The following LNX2 variants were observed in gnomAD, a reference collection of about 807,000 sequenced individuals.
LNX2 encodes the protein ligand of Numb protein X 2.
LNX2 carries 35 observed loss-of-function variants against 66.2 expected under a neutral mutation model. That is an observed-to-expected ratio of 0.53 (90% confidence interval 0.40 to 0.70). The LOEUF (loss-of-function observed/expected upper bound fraction) is 0.70, where lower values mean the gene tolerates loss of function less well. LNX2 is among the 30% of genes least tolerant of loss of function. LNX2 has a pLI of 0.00. For synonymous variants in LNX2, 337 were observed against 315.6 expected (o/e 1.07, Z -0.72); for missense variants, 791 against 850.8 (o/e 0.93, Z 0.87).
chr13:27,590,864 A>G, intron 1 of LNX2, among the ~76,000 whole-genome samples: 1 of 152,200 alleles, frequency 6.6e-6, no homozygotes, highest in Admixed American at 6.5e-5. Flanking sequence ...AAGAAATTTA[A>G]ATGTTGCAGC....
At chr13:27,566,921 G>A (rs559282084) in intron 4 of LNX2, among the ~76,000 whole-genome samples, 2 of 152,078 alleles carry the variant, frequency 1.3e-5, no homozygotes, top group South Asian at 4.2e-4. Context: ...CATCAACTCC[G>A]GGATTGTAGA....
At chr13:27,572,574 A>G (rs923195806) in intron 2 of LNX2, among the ~76,000 whole-genome samples, 3 of 152,194 alleles carry the variant, frequency 2.0e-5, no homozygotes, top group Non-Finnish European at 4.4e-5. Flanking sequence ...CAAGACCCAA[A>G]TAGGGATTTT....
intron 1 of LNX2, among the ~76,000 whole-genome samples, chr13:27,593,143 C>T (rs1163227463): frequency 6.6e-6 from 1 of 152,132 alleles, no homozygotes; most frequent in African/African-American, 2.4e-5. Context: ...TGTCTACATC[C>T]TTTCTTCTTT....
chr13:27,620,833 T>A (rs1283805053), upstream of LNX2: 1 of 152,836 alleles, frequency 6.5e-6, no homozygotes, highest in African/African-American at 2.4e-5. Flanking sequence ...TGGCTAGGTG[T>A]CTGCGCGCAC....
intron 8 of LNX2, among the ~76,000 whole-genome samples, chr13:27,552,237 G>A (rs1214930923): frequency 6.6e-6 from 1 of 152,194 alleles, no homozygotes; most frequent in Non-Finnish European, 1.5e-5. Context: ...GTTTCTCCAG[G>A]ACGCTGCTGC....
intron 1 of LNX2, among the ~76,000 whole-genome samples, chr13:27,588,207 ACT>A (rs1274499450): frequency 6.6e-6 from 1 of 152,054 alleles, no homozygotes; most frequent in Non-Finnish European, 1.5e-5. Flanking sequence ...TCACACAAAA[ACT>A]TGTGCACGAA....
intron 5 of LNX2, 53 bp downstream of exon 5, chr13:27,562,360 T>G: frequency 1.3e-6 from 2 of 1,544,474 alleles, no homozygotes; most frequent in Non-Finnish European, 1.7e-6. Flanking sequence ...AAACAAATAC[T>G]ACTATATGAT....
intron 5 of LNX2, among the ~76,000 whole-genome samples, chr13:27,561,962 AAAC>A (rs1481167781): frequency 2.6e-5 from 4 of 152,350 alleles, no homozygotes; most frequent in African/African-American, 9.6e-5. Context: ...AATTCCTTAG[AAAC>A]AACAACAAAG....
chr13:27,566,766 G>A (rs550011574), intron 4 of LNX2, among the ~76,000 whole-genome samples: 12 of 152,240 alleles, frequency 7.9e-5, no homozygotes, highest in Admixed American at 7.2e-4. Flanking sequence ...CAAATCCAAG[G>A]AGAGAGAGGA....
At chr13:27,556,612 C>T (rs977068039) in intron 6 of LNX2, among the ~76,000 whole-genome samples, 199 bp from the exon 7 acceptor site, 2 of 152,158 alleles carry the variant, frequency 1.3e-5, no homozygotes, top group Admixed American at 1.3e-4. Context: ...ATGTTATTTT[C>T]ATGACTGTTT....
In LNX2 at chr13:27,567,684, T is replaced by G; in HGVS notation, c.811A>C (p.Ile271Leu). 1 of 1,614,072 alleles carries G rather than the reference T, an allele frequency of 6.2e-7. No individual in the cohort carries two copies. The highest frequency in any genetic ancestry group is 1.7e-5 in the Admixed American group (1 of 60,006). The part of the protein sequence containing the change: ...VIQEVYRDGV[I>L]ARDGRLLAGD... ...GCAAGAAGTCTCCCGTCTCTGGCAATGACCCCATCCCGATAGACCTCCTGG... is the reference window on the plus strand; with the variant it reads ...GCAAGAAGTCTCCCGTCTCTGGCAAGGACCCCATCCCGATAGACCTCCTGG... Residue 271 changes from isoleucine to leucine, a missense_variant, in exon 4 of 10, where the codon ATT becomes CTT. Ile to Leu is a conservative substitution (Grantham distance 5, BLOSUM62 2). Transcript: ENST00000316334.
At chr13:27,607,788 A>C (rs554893096) in intron 1 of LNX2, among the ~76,000 whole-genome samples, 10 of 152,302 alleles carry the variant, frequency 6.6e-5, no homozygotes, top group African/African-American at 2.4e-4. Flanking sequence ...GAGGGTACAA[A>C]AGGGCAGGAA....
At chr13:27,592,916 G>A (rs1047245182) in intron 1 of LNX2, among the ~76,000 whole-genome samples, 6 of 152,220 alleles carry the variant, frequency 3.9e-5, no homozygotes, top group African/African-American at 1.2e-4. Flanking sequence ...GACCTTGATA[G>A]AGTTTTGGTG....
At chr13:27,585,312 C>T (rs1955471867) in intron 1 of LNX2, among the ~76,000 whole-genome samples, 1 of 151,636 alleles carries the variant, frequency 6.6e-6, no homozygotes, top group African/African-American at 2.4e-5. Flanking sequence ...GTCCCAGCTA[C>T]TCAGGAGGCT....
At chr13:27,590,062 G>T (rs909068311) in intron 1 of LNX2, among the ~76,000 whole-genome samples, 1 of 151,910 alleles carries the variant, frequency 6.6e-6, no homozygotes, top group Admixed American at 6.6e-5. Context: ...CCATTCTCCT[G>T]CCTCGGCCTC....
chr13:27,580,872 A>G (rs1278821329), intron 2 of LNX2, among the ~76,000 whole-genome samples: 1 of 152,192 alleles, frequency 6.6e-6, no homozygotes, highest in Non-Finnish European at 1.5e-5. Flanking sequence ...ACTATGCACA[A>G]TGTTGCACTG....
intron 2 of LNX2, among the ~76,000 whole-genome samples, chr13:27,580,936 A>T (rs1955390524): frequency 6.6e-6 from 1 of 152,242 alleles, no homozygotes; most frequent in African/African-American, 2.4e-5. Context: ...TAGGATAATA[A>T]ACTAGATAAA....
intron 1 of LNX2, among the ~76,000 whole-genome samples, chr13:27,619,495 T>C (rs776244688): frequency 7.2e-5 from 11 of 152,242 alleles, no homozygotes; most frequent in Non-Finnish European, 1.0e-4. Context: ...TGTGAAATTC[T>C]TAAAGGCAGT....
chr13:27,578,909 G>A (rs1025434077), intron 2 of LNX2, among the ~76,000 whole-genome samples: 1 of 152,210 alleles, frequency 6.6e-6, no homozygotes, highest in Non-Finnish European at 1.5e-5. Flanking sequence ...ACAAATGCTT[G>A]TTGTTTTATG....
Sources: allele counts gnomAD v4.1 joint callset (sites outside exome capture counted in the v4.1 genomes callset), GRCh38; gene constraint gnomAD v4.1.1; transcripts MANE v1.5; gene names NCBI Gene and HGNC (gene_info 2026-07-23, HGNC 2026-07-21).